The following ATF6 variants were observed in gnomAD, a reference collection of about 807,000 sequenced individuals.
ATF6 encodes the protein activating transcription factor 6, also known as cyclic AMP-dependent transcription factor ATF-6 alpha.
ATF6 carries 53 observed loss-of-function variants against 83.6 expected under a neutral mutation model. The observed-to-expected ratio is 0.63, with a 90% CI of 0.51 to 0.80. The LOEUF (loss-of-function observed/expected upper bound fraction) is 0.80, where lower values mean the gene tolerates loss of function less well. ATF6 is among the 30% of genes least tolerant of loss of function. ATF6 has a pLI of 0.00. For missense variants in ATF6, 744 were observed against 797.9 expected (o/e 0.93, Z 0.81); for synonymous variants, 288 against 285.8 (o/e 1.01, Z -0.08).
intron 14 of ATF6, among the ~76,000 whole-genome samples, chr1:161,881,465 C>A (rs1046945744): frequency 3.3e-5 from 5 of 152,126 alleles, no homozygotes; most frequent in Non-Finnish European, 7.4e-5. Context: ...CAACTTGCTT[C>A]ATGAAAGCCA....
intron 7 of ATF6, among the ~76,000 whole-genome samples, chr1:161,811,009 G>A (rs1248008165): frequency 6.6e-6 from 1 of 152,048 alleles, no homozygotes; most frequent in African/African-American, 2.4e-5. Context: ...CCATTCATCA[G>A]TTGGTAGACA....
At chr1:161,775,326 T>C (rs1176338263) in intron 1 of ATF6, among the ~76,000 whole-genome samples, 1 of 152,158 alleles carries the variant, frequency 6.6e-6, no homozygotes, top group Non-Finnish European at 1.5e-5. Context: ...ATAACACCAA[T>C]ATCCTTTTCT....
At chr1:161,897,472 A>T (rs1007982812) in intron 14 of ATF6, among the ~76,000 whole-genome samples, 1 of 151,104 alleles carries the variant, frequency 6.6e-6, no homozygotes, top group Non-Finnish European at 1.5e-5. Flanking sequence ...CTACTGGCCA[A>T]CTCCTCCCCC....
At chr1:161,783,606 A>G (rs982277824) in intron 3 of ATF6, among the ~76,000 whole-genome samples, 5 of 152,236 alleles carry the variant, frequency 3.3e-5, no homozygotes, top group African/African-American at 7.2e-5. Flanking sequence ...TTCAAAAGGT[A>G]CAAAAATCTG....
At chr1:161,854,988 G>T (rs1474183290) in intron 12 of ATF6, among the ~76,000 whole-genome samples, 1 of 152,180 alleles carries the variant, frequency 6.6e-6, no homozygotes, top group African/African-American at 2.4e-5. Flanking sequence ...GGAATGCAGG[G>T]GCTGAGGGGA....
chr1:161,873,483 C>T (rs191992172), intron 14 of ATF6, among the ~76,000 whole-genome samples: 17 of 151,520 alleles, frequency 1.1e-4, no homozygotes, highest in Admixed American at 4.6e-4. Flanking sequence ...CATTTCCTCC[C>T]CTCTCCTATA....
chr1:161,919,496 T>G (rs1025470097), intron 15 of ATF6, among the ~76,000 whole-genome samples: 27 of 151,906 alleles, frequency 1.8e-4, no homozygotes, highest in African/African-American at 6.5e-4. Flanking sequence ...GAAAAGGGGG[T>G]TTTTAATTTG....
chr1:161,823,871 G>A (rs1286702490), intron 9 of ATF6, among the ~76,000 whole-genome samples: 4 of 152,144 alleles, frequency 2.6e-5, no homozygotes, highest in East Asian at 1.9e-4. Flanking sequence ...AACTGCTGCC[G>A]TAATTTATTT....
At chr1:161,865,546 TA>T (rs1381043760) in intron 14 of ATF6, among the ~76,000 whole-genome samples, 6 of 152,266 alleles carry the variant, frequency 3.9e-5, no homozygotes, top group African/African-American at 9.6e-5. Flanking sequence ...TTTGCATTTG[TA>T]AAAAGTGATT....
chr1:161,937,691 G>A (rs1480438211), intron 15 of ATF6, among the ~76,000 whole-genome samples: 1 of 150,602 alleles, frequency 6.6e-6, no homozygotes, highest in African/African-American at 2.4e-5. Flanking sequence ...GTTGAACAAT[G>A]AGAACACACG....
At position 161,793,415 on chromosome 1, in the gene ATF6, T is replaced by C. The variant is rs552028752; in HGVS notation, c.688+1088T>C. On this transcript the variant is annotated intron_variant, in intron 6 of 15. Coordinates refer to ENST00000367942, the MANE Select transcript of ATF6 (RefSeq NM_007348.4). ...ACTGCTGCCTTTTCCATCTGAAAAGTAGCATTCCTATAGAATAGGTATTCT... is the reference window on the plus strand; with the variant it reads ...ACTGCTGCCTTTTCCATCTGAAAAGCAGCATTCCTATAGAATAGGTATTCT... 3.3e-5 allele frequency among the ~76,000 whole-genome samples: 5 copies of C among 152,336 alleles called. No homozygotes were observed. The East Asian group carries it at 7.7e-4, about 24-fold the overall frequency.
At chr1:161,924,756 C>G (rs540386898) in intron 15 of ATF6, among the ~76,000 whole-genome samples, 3 of 152,218 alleles carry the variant, frequency 2.0e-5, no homozygotes, top group Admixed American at 6.5e-5. Flanking sequence ...TAGGACAGAA[C>G]CTTGTGGGAA....
chr1:161,861,289 GA>G (rs34864459), intron 13 of ATF6, among the ~76,000 whole-genome samples: 3 of 151,660 alleles, frequency 2.0e-5, no homozygotes, highest in Non-Finnish European at 2.9e-5. Context: ...TAGGCACTGA[GA>G]AAAAAATATA....
intron 6 of ATF6, among the ~76,000 whole-genome samples, chr1:161,798,992 G>C (rs1685081418): frequency 6.6e-6 from 1 of 152,200 alleles, no homozygotes; most frequent in Non-Finnish European, 1.5e-5. Context: ...CATATACATT[G>C]CTGGTGGGAA....
chr1:161,781,892 T>C lies in ATF6; in HGVS notation c.160-20T>C. 1 of 1,489,710 alleles carries C rather than the reference T, an allele frequency of 6.7e-7. No homozygotes were observed. The highest frequency in any genetic ancestry group is 1.8e-5 in the Admixed American group (1 of 55,124). The allele number at this position is 1,489,710 out of a possible 1,614,324, so 92.3% of individuals were successfully genotyped here. ...ATGTTTTATTCTTTTAATATTCTTT[T>C]GCTGATTTGAAACCTACAGGAAAAC... On this transcript the variant is annotated intron_variant, in intron 2 of 15. Coordinates refer to ENST00000367942, the MANE Select transcript of ATF6 (RefSeq NM_007348.4).
At chr1:161,781,138 A>C (rs1271116313) in intron 2 of ATF6, among the ~76,000 whole-genome samples, 1 of 152,216 alleles carries the variant, frequency 6.6e-6, no homozygotes, top group Non-Finnish European at 1.5e-5. Context: ...CTCTGAAATT[A>C]TGTGACACTT....
chr1:161,767,684 A>G (rs1425421759), intron 1 of ATF6, among the ~76,000 whole-genome samples: 1 of 152,110 alleles, frequency 6.6e-6, no homozygotes, highest in Non-Finnish European at 1.5e-5. Flanking sequence ...AGGTTTTTCT[A>G]CCTCCAAAGT....
At chr1:161,834,248 G>A (rs191416123) in intron 9 of ATF6, among the ~76,000 whole-genome samples, 2 of 152,060 alleles carry the variant, frequency 1.3e-5, no homozygotes, top group Admixed American at 6.5e-5. Flanking sequence ...CAAGAGCTCC[G>A]GAAGGAAGCA....
At chr1:161,786,685 C>G (rs747001177) in intron 4 of ATF6, among the ~76,000 whole-genome samples, 1 of 152,106 alleles carries the variant, frequency 6.6e-6, no homozygotes, top group African/African-American at 2.4e-5. Context: ...AGTTACCAGT[C>G]CGATGCCCCT....
Sources: gnomAD v4.1 joint callset for allele counts (sites outside exome capture counted in the v4.1 genomes callset) on GRCh38, gnomAD v4.1.1 for gene constraint, MANE v1.5 for transcripts, NCBI Gene and HGNC (gene_info 2026-07-23, HGNC 2026-07-21) for gene names.